AS3MT: variants seen among roughly 807,000 people sequenced by gnomAD.
AS3MT encodes arsenite methyltransferase.
Under a neutral mutation model 45.3 loss-of-function variants are expected in AS3MT, and 47 were observed. That is an observed-to-expected ratio of 1.04 (90% CI 0.82 to 1.32). The LOEUF (loss-of-function observed/expected upper bound fraction) is 1.32, where lower values mean the gene tolerates loss of function less well. Ranked by LOEUF, AS3MT falls within the 40% of genes most tolerant of loss-of-function variation. The pLI is 0.00. For synonymous variants in AS3MT, 141 were observed against 152.8 expected (o/e 0.92, Z 0.57); for missense variants, 396 against 451.1 (o/e 0.88, Z 1.11).
At position 102,869,999 on chromosome 10, in the gene AS3MT, G is replaced by A. The variant is rs1252440796; in HGVS notation, c.43-85G>A. 3.2e-6 allele frequency: 5 copies of A among 1,572,718 alleles called. No homozygotes were observed. In the East Asian group the frequency reaches 9.0e-5, roughly 28 times the overall value. ...GGGAACTGAGGTCGGCCAAGTGGAGGTGGAGGTGGTGACGGAGCCCTCGCG... is the reference window on the plus strand; with the variant it reads ...GGGAACTGAGGTCGGCCAAGTGGAGATGGAGGTGGTGACGGAGCCCTCGCG... On this transcript the variant is annotated intron_variant, in intron 2 of 10. Transcript: ENST00000369880.
At chr10:102,874,739 A>G in intron 6 of AS3MT, 78 bp downstream of exon 6, 1 of 1,073,204 alleles carries the variant, frequency 9.3e-7, no homozygotes, top group Non-Finnish European at 1.4e-6. Flanking sequence ...TTCCCCCTTG[A>G]ACTAAGAGCT....
chr10:102,880,649 G>A (rs1282492720), intron 9 of AS3MT, among the ~76,000 whole-genome samples: 1 of 152,096 alleles, frequency 6.6e-6, no homozygotes, highest in African/African-American at 2.4e-5. Context: ...CCTCAAAACA[G>A]AGCTCCTCAA....
At chr10:102,869,917 T>G in intron 2 of AS3MT, 72 bp downstream of exon 2, 1 of 1,596,178 alleles carries the variant, frequency 6.3e-7, no homozygotes. Context: ...GCCCGCACCC[T>G]GTCCCCCGGG....
intron 9 of AS3MT, among the ~76,000 whole-genome samples, chr10:102,882,187 C>G (rs1216698359): frequency 6.6e-6 from 1 of 152,070 alleles, no homozygotes; most frequent in Non-Finnish European, 1.5e-5. Flanking sequence ...GATCCACCCG[C>G]CTCGGCCTCC....
At position 102,885,238 on chromosome 10, in the gene AS3MT, G is replaced by A. The variant is rs548957300; in HGVS notation, c.886-5306G>A. On this transcript the variant is annotated intron_variant, in intron 9 of 10. Coordinates refer to ENST00000369880, the MANE Select transcript of AS3MT (RefSeq NM_020682.4). Reference sequence around the variant, plus strand: ...ATATCAGCGAGAACATGTAATATTCGTCTTTTTGAGGTTGGCTTATTTCTC... The same window carrying A: ...ATATCAGCGAGAACATGTAATATTCATCTTTTTGAGGTTGGCTTATTTCTC... 1.1e-4 allele frequency among the ~76,000 whole-genome samples: 17 copies of A among 152,122 alleles called. No homozygotes were observed. The South Asian group carries it at 2.1e-3, about 19-fold the overall frequency.
At position 102,873,252 on chromosome 10, in the gene AS3MT, T is replaced by C. The variant is rs773406077; in HGVS notation, c.458+19T>C. ...TTGTTGTGTAGGTCTATATTCTTAC[T>C]GTTATGACTATAGCCCATTTTCTTT... On this transcript the variant is annotated intron_variant, in intron 5 of 10. Coordinates refer to ENST00000369880, the MANE Select transcript of AS3MT (RefSeq NM_020682.4). The C allele has an allele frequency of 6.5e-7, 1 of 1,534,250 alleles. No individual in the cohort carries two copies. Among genetic ancestry groups the C allele is most frequent in the Non-Finnish European group, 8.7e-7 (1 of 1,147,032 alleles).
At chr10:102,876,389 A>G (rs1456350361) in intron 6 of AS3MT, among the ~76,000 whole-genome samples, 1 of 150,924 alleles carries the variant, frequency 6.6e-6, no homozygotes, top group African/African-American at 2.4e-5. Flanking sequence ...CCTGGGCTCA[A>G]ACAATCCTCT....
At chr10:102,883,951 C>A (rs1271648956) in intron 9 of AS3MT, among the ~76,000 whole-genome samples, 1 of 149,520 alleles carries the variant, frequency 6.7e-6, no homozygotes, top group Admixed American at 6.7e-5. Context: ...TAGCAATTTT[C>A]TTTTTTCTTT....
chr10:102,883,799 T>C (rs1209264145), intron 9 of AS3MT, among the ~76,000 whole-genome samples: 1 of 152,054 alleles, frequency 6.6e-6, no homozygotes, highest in East Asian at 1.9e-4. Flanking sequence ...GGGCAAATTT[T>C]AAAAATTGTA....
At chr10:102,884,167 A>G (rs1477670153) in intron 9 of AS3MT, among the ~76,000 whole-genome samples, 2 of 151,696 alleles carry the variant, frequency 1.3e-5, no homozygotes, top group Non-Finnish European at 2.9e-5. Context: ...TTTAGTAGAG[A>G]TGGAGTTTCA....
Position 102,900,714 on chromosome 10 carries a change from CA to C in AS3MT, c.*15del. ...AAAAGCTGCTAAATCTATAGCCAAC[CA>C]GGGGACCACAGTAGTGGGCAAGAGT... On this transcript the variant is annotated 3_prime_UTR_variant, in exon 11 of 11. Coordinates refer to ENST00000369880, the MANE Select transcript of AS3MT (RefSeq NM_020682.4). The C allele has an allele frequency of 1.3e-6, 2 of 1,588,846 alleles. No individual in the cohort carries two copies. The highest frequency in any genetic ancestry group is 8.6e-7 in the Non-Finnish European group (1 of 1,157,102).
chr10:102,877,099 G>A, intron 7 of AS3MT, 64 bp downstream of exon 7: 5 of 1,463,138 alleles, frequency 3.4e-6, no homozygotes, highest in South Asian at 1.1e-5. Flanking sequence ...ACTCCTTTCT[G>A]CTAATAGCCA....
At chr10:102,882,606 T>A (rs1000840600) in intron 9 of AS3MT, among the ~76,000 whole-genome samples, 18 of 152,144 alleles carry the variant, frequency 1.2e-4, no homozygotes, top group African/African-American at 4.3e-4. Flanking sequence ...TTATTTATTT[T>A]TGAGATGGAG....
chr10:102,888,882 T>TATATATATA (rs1491338454), intron 9 of AS3MT, among the ~76,000 whole-genome samples: 4 of 21,102 alleles, frequency 1.9e-4, no homozygotes, highest in African/African-American at 4.4e-4. Context: ...TATATATATA[T>TATATATATA]TTTTTTTTTT....
intron 9 of AS3MT, among the ~76,000 whole-genome samples, chr10:102,886,725 G>T (rs941006161): frequency 1.3e-5 from 2 of 152,012 alleles, no homozygotes; most frequent in Non-Finnish European, 2.9e-5. Flanking sequence ...CTGGGCTCAG[G>T]CAATCCTCCT....
chr10:102,879,287 T>C (rs1313754932), intron 9 of AS3MT, among the ~76,000 whole-genome samples: 4 of 151,988 alleles, frequency 2.6e-5, no homozygotes, highest in Admixed American at 2.0e-4. Flanking sequence ...GGCTTCTGAG[T>C]AGCTAGGACT....
intron 3 of AS3MT, 117 bp downstream of exon 3, chr10:102,870,328 T>A: frequency 1.5e-6 from 2 of 1,338,204 alleles, no homozygotes; most frequent in Non-Finnish European, 2.1e-6. Context: ...TTGCCTTGTC[T>A]ATTGTAAAAA....
intron 10 of AS3MT, among the ~76,000 whole-genome samples, chr10:102,896,665 C>A (rs752077751): frequency 6.6e-6 from 1 of 151,966 alleles, no homozygotes; most frequent in African/African-American, 2.4e-5. Context: ...AAAAATTAGC[C>A]GGGCGTGGTG....
intron 2 of AS3MT, 101 bp from the exon 3 acceptor site, chr10:102,869,983 G>A: frequency 6.4e-7 from 1 of 1,563,884 alleles, no homozygotes; most frequent in Non-Finnish European, 8.7e-7. Context: ...AGGGAACTGA[G>A]GTCGGCCAAG....
Sources: gnomAD v4.1 joint callset for allele counts (sites outside exome capture counted in the v4.1 genomes callset) on GRCh38, gnomAD v4.1.1 for gene constraint, MANE v1.5 for transcripts, NCBI Gene and HGNC (gene_info 2026-07-23, HGNC 2026-07-21) for gene names.